Variants in CD226 observed in about 807,000 individuals in gnomAD.
The protein encoded by CD226 is CD226 molecule.
In CD226, 24 loss-of-function variants were observed where a neutral mutation model predicts 34.9. That is an observed-to-expected ratio of 0.69 (90% CI 0.50 to 0.97). The LOEUF is 0.97. Among genes scored for constraint, CD226 ranks in the 50% least tolerant of loss-of-function variants. The pLI, the probability that CD226 is intolerant of heterozygous loss-of-function variation, is 0.00. For missense variants in CD226, 397 were observed against 412.7 expected (o/e 0.96, Z 0.33); for synonymous variants, 148 against 147.4 (o/e 1.00, Z -0.03).
At chr18:69,931,112 T>C (rs2055583787) in intron 2 of CD226, among the ~76,000 whole-genome samples, 1 of 152,136 alleles carries the variant, frequency 6.6e-6, no homozygotes, top group African/African-American at 2.4e-5. Context: ...AAACCATCAT[T>C]CTCAGCAAAC....
intron 3 of CD226, among the ~76,000 whole-genome samples, chr18:69,883,904 G>A (rs975406580): frequency 6.6e-5 from 10 of 152,208 alleles, no homozygotes; most frequent in African/African-American, 1.4e-4. Flanking sequence ...CTGTACCCAC[G>A]TCACAGCTCA....
chr18:69,945,885 CAG>C (rs1243113704), intron 2 of CD226, among the ~76,000 whole-genome samples: 2 of 152,094 alleles, frequency 1.3e-5, no homozygotes, highest in South Asian at 2.1e-4. Flanking sequence ...AGCAGGCAAA[CAG>C]AGAGAGCTAG....
chr18:69,909,395 T>C (rs1476533433), intron 2 of CD226, among the ~76,000 whole-genome samples: 5 of 152,298 alleles, frequency 3.3e-5, no homozygotes, highest in African/African-American at 4.8e-5. Flanking sequence ...CACTCACCCC[T>C]GAGCATCAGC....
intron 2 of CD226, among the ~76,000 whole-genome samples, chr18:69,925,554 A>C (rs2055510460): frequency 6.6e-6 from 1 of 151,898 alleles, no homozygotes; most frequent in Non-Finnish European, 1.5e-5. Flanking sequence ...TATCCTTCTT[A>C]ACACCTCTTC....
intron 5 of CD226, 80 bp from the exon 6 acceptor site, chr18:69,864,519 A>C: frequency 4.3e-6 from 6 of 1,386,612 alleles, no homozygotes; most frequent in Non-Finnish European, 6.0e-6. Context: ...CATACCTCTC[A>C]TAAATGCAGG....
intron 3 of CD226, among the ~76,000 whole-genome samples, chr18:69,885,555 G>C (rs1984509887): frequency 6.6e-6 from 1 of 152,288 alleles, no homozygotes; most frequent in African/African-American, 2.4e-5. Context: ...CACACAGGAA[G>C]CGTCCAGTGG....
Position 69,860,529 on chromosome 18 carries a change from TAGAA to T in CD226, c.*3781_*3784del, listed in dbSNP as rs1490814322. The T allele has an allele frequency of 6.6e-6, 1 of 152,210 alleles. No homozygotes were observed. The highest frequency in any genetic ancestry group is 2.4e-5 in the African/African-American group (1 of 41,460). The allele number at this position is 152,210 out of a possible 1,614,324, so 9.4% of individuals were successfully genotyped here. On this transcript the variant is annotated 3_prime_UTR_variant, in exon 6 of 6. Coordinates refer to ENST00000582621, the MANE Select transcript of CD226 (RefSeq NM_001303618.2). The stretch of plus-strand genomic sequence containing the variant: ...ACCTTGAGGATTTATAAAATTTCCT[TAGAA>T]AGCATTGCAGTTAATTCTAGAAGCT...
chr18:69,897,579 C>A (rs574026502), intron 2 of CD226, among the ~76,000 whole-genome samples: 1 of 151,592 alleles, frequency 6.6e-6, no homozygotes, highest in Admixed American at 6.6e-5. Context: ...TCACTCAGGA[C>A]TGGCCCAGGA....
chr18:69,891,815 A>C (rs545272948), intron 3 of CD226, among the ~76,000 whole-genome samples: 103 of 152,374 alleles, frequency 6.8e-4, no homozygotes, highest in African/African-American at 2.4e-3. Context: ...AAAATCATAT[A>C]GCAACTTATT....
intron 2 of CD226, among the ~76,000 whole-genome samples, chr18:69,921,497 C>G (rs2055450841): frequency 6.6e-6 from 1 of 152,190 alleles, no homozygotes; most frequent in Non-Finnish European, 1.5e-5. Context: ...GAAGGAATGA[C>G]TTCTTAGTCA....
chr18:69,935,742 G>C (rs1280444112), intron 2 of CD226, among the ~76,000 whole-genome samples: 3 of 152,184 alleles, frequency 2.0e-5, no homozygotes, highest in Non-Finnish European at 4.4e-5. Context: ...AGAATGTTCT[G>C]AGGTCACAGG....
chr18:69,950,175 C>A (rs961639740), upstream of CD226, among the ~76,000 whole-genome samples: 1 of 152,068 alleles, frequency 6.6e-6, no homozygotes, highest in African/African-American at 2.4e-5. Flanking sequence ...CAAACACACT[C>A]GTACATGCAT....
At chr18:69,949,272 G>A (rs367603367), upstream of CD226, among the ~76,000 whole-genome samples, 3 of 152,296 alleles carry the variant, frequency 2.0e-5, no homozygotes, top group South Asian at 2.1e-4. Context: ...ACATGGAGCC[G>A]CCGAGGAGCT....
rs192778937 is a variant in CD226, at chr18:69,895,735, G to A, written c.693C>T (p.Asn231=). 4.7e-4 allele frequency: 760 copies of A among 1,613,932 alleles called. 8 individuals are homozygous for A. The East Asian group carries it at 7.4e-3, about 16-fold the overall frequency. Residue 231 remains asparagine (N), a synonymous_variant, in exon 3 of 6, where the codon AAC becomes AAT. Transcript: ENST00000582621. ...CAGTCAATCTCATCACGAAGGTTTC[G>A]TTTTCTCCTGCGCTGGCCTGCAAGT... ...RCYLQASAGE[N]ETFVMRLTVA...
At chr18:69,914,358 G>T (rs955097454) in intron 2 of CD226, among the ~76,000 whole-genome samples, 3 of 152,196 alleles carry the variant, frequency 2.0e-5, no homozygotes, top group African/African-American at 7.2e-5. Context: ...TACCAGAAAA[G>T]AAACTCACAG....
chr18:69,873,124 G>T lies in CD226; in HGVS notation c.830+20C>A. 8.1e-7 allele frequency: 1 copy of T among 1,234,022 alleles called. No homozygotes were observed. The highest frequency in any genetic ancestry group is 1.2e-6 in the Non-Finnish European group (1 of 834,452). 76.4% of individuals were successfully genotyped at this position (1,234,022 alleles called of 1,614,324 possible). On this transcript the variant is annotated intron_variant, in intron 4 of 5. Transcript: ENST00000582621. ...CCTCTAACATGGTGAATAAGATTCAGCATAAGTTGCACTACTCACCTGTTA... is the reference window on the plus strand; with the variant it reads ...CCTCTAACATGGTGAATAAGATTCATCATAAGTTGCACTACTCACCTGTTA...
chr18:69,896,950 T>C (rs1366930983), intron 2 of CD226, among the ~76,000 whole-genome samples: 2 of 152,164 alleles, frequency 1.3e-5, no homozygotes, highest in Non-Finnish European at 2.9e-5. Flanking sequence ...CTGGAATTCC[T>C]ACCATAAAGT....
chr18:69,898,448 T>A (rs1046014908), intron 2 of CD226, among the ~76,000 whole-genome samples: 2 of 152,182 alleles, frequency 1.3e-5, no homozygotes, highest in African/African-American at 4.8e-5. Flanking sequence ...GGTCTACTCA[T>A]AGCCGTGTCT....
chr18:69,897,490 G>A (rs970343344), intron 2 of CD226, among the ~76,000 whole-genome samples: 2 of 152,172 alleles, frequency 1.3e-5, no homozygotes, highest in East Asian at 3.8e-4. Context: ...GGGCAGTAAT[G>A]ATGTCACAAA....
Sources: allele counts gnomAD v4.1 joint callset (sites outside exome capture counted in the v4.1 genomes callset), GRCh38; gene constraint gnomAD v4.1.1; transcripts MANE v1.5; gene names NCBI Gene and HGNC (gene_info 2026-07-23, HGNC 2026-07-21).